CACNA1A: variants seen among roughly 807,000 people sequenced by gnomAD.
The protein encoded by CACNA1A is voltage-dependent P/Q-type calcium channel subunit alpha-1A.
CACNA1A carries 57 observed loss-of-function variants against 262.4 expected under a neutral mutation model. The observed-to-expected ratio is 0.22, with a 90% CI of 0.18 to 0.27. The LOEUF (loss-of-function observed/expected upper bound fraction) is 0.27. Ranked by LOEUF, CACNA1A falls within the 10% of genes least tolerant of loss-of-function variation. The probability of loss-of-function intolerance (pLI) is 1.00; values close to 1 mark genes in which losing one functional copy is unlikely to be tolerated. For synonymous variants in CACNA1A, 1,431 were observed against 1,419.3 expected, an observed-to-expected ratio of 1.01 and a Z score of -0.18; for missense variants, 2,526 against 3,562.8, an observed-to-expected ratio of 0.71 and a Z score of 7.41.
chr19:13,404,210 A>G (rs535366069), intron 3 of CACNA1A, among the ~76,000 whole-genome samples: 10 of 152,218 alleles, frequency 6.6e-5, no homozygotes, highest in African/African-American at 2.4e-4. Context: ...ACACACAGTA[A>G]TAAGGTTCAT....
chr19:13,209,452 C>A lies in CACNA1A; in HGVS notation c.6386G>T (p.Gly2129Val). ...ATCGTCCAGGCGTCGGGCCTTGGGG[C>A]CCAGCACGGAGGCTGAACGCTTCAT... ...SPMKRSASVLGPKARRLDDYS... is the reference protein window; with the variant it reads ...SPMKRSASVLVPKARRLDDYS... Residue 2129 changes from glycine to valine, a missense_variant, in exon 45 of 47, where the codon GGC (glycine) becomes GTC (valine). Physicochemically the swap from Gly to Val is moderately radical, Grantham distance 109. Transcript: ENST00000360228. The A allele has an allele frequency of 7.3e-7, 1 of 1,371,430 alleles. No individual in the cohort carries two copies. The highest frequency in any genetic ancestry group is 2.0e-5 in the South Asian group (1 of 50,034). The allele number at this position is 1,371,430 out of a possible 1,614,324, so 85.0% of individuals were successfully genotyped here.
At chr19:13,268,389 G>A (rs1057003593) in intron 24 of CACNA1A, among the ~76,000 whole-genome samples, 7 of 151,954 alleles carry the variant, frequency 4.6e-5, no homozygotes, top group African/African-American at 1.7e-4. Flanking sequence ...GTCGCCAAGC[G>A]GACTCTATGG....
chr19:13,464,029 A>G (rs964996247), intron 1 of CACNA1A, among the ~76,000 whole-genome samples: 1 of 152,206 alleles, frequency 6.6e-6, no homozygotes, highest in African/African-American at 2.4e-5. Context: ...AGGGCCCTGC[A>G]TATAGTAAGT....
chr19:13,230,674 A>T (rs2055629488), intron 35 of CACNA1A, among the ~76,000 whole-genome samples: 1 of 152,040 alleles, frequency 6.6e-6, no homozygotes, highest in African/African-American at 2.4e-5. Context: ...GTGTGGTGGC[A>T]TGTGCACCTG....
At chr19:13,450,306 T>C (rs2060893105) in intron 3 of CACNA1A, 1 of 152,268 alleles carries the variant, frequency 6.6e-6, no homozygotes, top group African/African-American at 2.4e-5. Context: ...TCAGAGCCTT[T>C]GCACTGGCTG....
intron 19 of CACNA1A, 109 bp downstream of exon 19, chr19:13,298,435 A>T: frequency 9.0e-7 from 1 of 1,109,376 alleles, no homozygotes; most frequent in East Asian, 3.2e-5. Flanking sequence ...GGCCAAATAC[A>T]GCATTTTATA....
Position 13,308,008 on chromosome 19 carries a change from C to G in CACNA1A, c.1913+112G>C, listed in dbSNP as rs149233161. ...CCAGGGCCCTGCCCATTTGGGTGACCGCAATGGGTGTCTGGGCTACGAGGA... is the reference window on the plus strand; with the variant it reads ...CCAGGGCCCTGCCCATTTGGGTGACGGCAATGGGTGTCTGGGCTACGAGGA... On this transcript the variant is annotated intron_variant, in intron 14 of 46. Transcript: ENST00000360228. The surrounding 1 kb of genome is among the most constrained non-coding windows in gnomAD (Gnocchi z 4.2). 1 of 1,472,304 alleles carries G rather than the reference C, an allele frequency of 6.8e-7. No individual in the cohort carries two copies. The highest frequency in any genetic ancestry group is 1.4e-5 in the African/African-American group (1 of 71,876). The allele number at this position is 1,472,304 out of a possible 1,614,324, so 91.2% of individuals were successfully genotyped here. A position where few individuals can be genotyped will look rare whatever the true frequency, so the allele number is the denominator to read the frequency against.
intron 30 of CACNA1A, among the ~76,000 whole-genome samples, chr19:13,251,449 C>G (rs1329891869): frequency 6.6e-6 from 1 of 152,164 alleles, no homozygotes; most frequent in Non-Finnish European, 1.5e-5. Flanking sequence ...CGCCACTGCA[C>G]TCCAGCCTGG....
At chr19:13,363,583 G>A (rs10419009) in intron 5 of CACNA1A, 3 of 151,158 alleles carry the variant, frequency 2.0e-5, no homozygotes, top group East Asian at 2.0e-4. Context: ...TTCCCTCCCC[G>A]TGGGGAGGAG....
intron 46 of CACNA1A, 98 bp from the exon 47 acceptor site, chr19:13,208,151 G>A: frequency 2.1e-6 from 1 of 486,968 alleles, no homozygotes; most frequent in Admixed American, 5.8e-5. Flanking sequence ...GAAGGGAGAG[G>A]GGCCGGGAGG....
At chr19:13,387,959 AG>A (rs1476444652) in intron 3 of CACNA1A, among the ~76,000 whole-genome samples, 3 of 152,208 alleles carry the variant, frequency 2.0e-5, no homozygotes, top group African/African-American at 7.2e-5. Context: ...TAGGCAGATT[AG>A]GGGAGTGAGA....
Position 13,497,115 on chromosome 19 carries a change from C to T in CACNA1A, c.293+8817G>A, listed in dbSNP as rs190323897. ...ATATCAATTGCCAGTGTCTAAACCA[C>T]AGGTTCTGACTCTCAGAATACAAGC... is the stretch of plus-strand genomic sequence containing the variant. On this transcript the variant is annotated intron_variant, in intron 1 of 46. Transcript: ENST00000360228. Among the ~76,000 whole-genome samples, 14 of 152,112 alleles carry T rather than the reference C, an allele frequency of 9.2e-5. No individual in the cohort carries two copies. The East Asian group carries it at 2.7e-3, about 30-fold the overall frequency.
intron 3 of CACNA1A, chr19:13,452,567 T>C: frequency 9.5e-6 from 2 of 210,618 alleles, no homozygotes; most frequent in East Asian, 2.1e-4. Flanking sequence ...TCCTCAGTGG[T>C]CAGATGGGAA....
At chr19:13,380,111 C>A (rs1479509876) in intron 3 of CACNA1A, among the ~76,000 whole-genome samples, 4 of 132,388 alleles carry the variant, frequency 3.0e-5, no homozygotes, top group Non-Finnish European at 6.3e-5. Flanking sequence ...TGGTGAAAAC[C>A]CGTCTCTACT....
Position 13,286,799 on chromosome 19 carries a change from C to G in CACNA1A, c.3257G>C (p.Gly1086Ala). 4 of 1,613,118 alleles carry G rather than the reference C, an allele frequency of 2.5e-6. No individual in the cohort carries two copies. Among genetic ancestry groups the G allele is most frequent in the Non-Finnish European group, 2.5e-6 (3 of 1,179,684 alleles). The change falls in exon 20 of 47, where the codon GGC becomes GCC. Residue 1086 changes from glycine to alanine, a missense_variant. Transcript: ENST00000360228. Reference protein sequence around the residue: ...AESAAPHGSLGHAGLPQSPAK... With the variant: ...AESAAPHGSLAHAGLPQSPAK... ...TGGGCTCTGGGGCAGGCCGGCGTGG[C>G]CAAGGCTGCCGTGGGGAGCGGCCGA...
chr19:13,209,149 G>A lies in CACNA1A; in HGVS notation c.6527-140C>T, dbSNP rs547534082. The stretch of plus-strand genomic sequence containing the variant: ...GAGGCAGGTCAGTGGGTTGGGGGGA[G>A]GGGGTAGTACCCAGGTTCCTGCAGC... On this transcript the variant is annotated intron_variant, in intron 45 of 46. Transcript: ENST00000360228. 300 of 1,361,012 alleles carry A rather than the reference G, an allele frequency of 2.2e-4. 4 individuals are homozygous for A. In the Middle Eastern group the frequency reaches 0.013, roughly 57 times the overall value. The allele number at this position is 1,361,012 out of a possible 1,614,324, so 84.3% of individuals were successfully genotyped here. A position where few individuals can be genotyped will look rare whatever the true frequency, so the allele number is the denominator to read the frequency against.
chr19:13,271,214 G>GTTTTTTTTGTTTTTTTTGTTTTTTT (rs2057009117), intron 24 of CACNA1A: 1 of 80,448 alleles, frequency 1.2e-5, no homozygotes, highest in African/African-American at 5.3e-5. Context: ...TCATTCTGCT[G>GTTTTTTTTGTTTTTTTTGTTTTTTT]TTTTTTTTTT....
At chr19:13,339,171 T>G (rs1367784839) in intron 6 of CACNA1A, among the ~76,000 whole-genome samples, 1 of 152,182 alleles carries the variant, frequency 6.6e-6, no homozygotes, top group Non-Finnish European at 1.5e-5. Flanking sequence ...GCAGAAGTTT[T>G]TTTTTAATAG....
intron 3 of CACNA1A, among the ~76,000 whole-genome samples, chr19:13,413,908 AAAG>A (rs1344699952): frequency 7.6e-5 from 8 of 105,326 alleles, no homozygotes; most frequent in African/African-American, 2.0e-4. Context: ...AGAAAGAAAG[AAAG>A]AAAGAAAGAA....
Sources: gnomAD v4.1 joint callset for allele counts (sites outside exome capture counted in the v4.1 genomes callset) on GRCh38, gnomAD v4.1.1 for gene constraint, Gnocchi (gnomAD v3.1) non-coding constraint, MANE v1.5 for transcripts, NCBI Gene and HGNC (gene_info 2026-07-23, HGNC 2026-07-21) for gene names.